The following VDAC3 variants were observed in gnomAD, a reference collection of about 807,000 sequenced individuals.
VDAC3 encodes the protein voltage dependent anion channel 3.
In VDAC3, 7 loss-of-function variants were observed where a neutral mutation model predicts 33.9. That is an observed-to-expected ratio of 0.21 (90% CI 0.12 to 0.39). The LOEUF is 0.39. Ranked by LOEUF, VDAC3 falls within the 10% of genes least tolerant of loss-of-function variation. VDAC3 has a pLI of 1.00. For synonymous variants in VDAC3, 100 were observed against 122.4 expected (o/e 0.82, Z 1.21); for missense variants, 261 against 334.5 (o/e 0.78, Z 1.71).
chr8:42,392,635 C>T (rs562777106), intron 1 of VDAC3, among the ~76,000 whole-genome samples: 1 of 152,200 alleles, frequency 6.6e-6, no homozygotes, highest in Non-Finnish European at 1.5e-5. Flanking sequence ...AAACCAGCTA[C>T]GTGACTTTTG....
At chr8:42,398,341 T>C (rs1802353862) in intron 4 of VDAC3, among the ~76,000 whole-genome samples, 1 of 152,178 alleles carries the variant, frequency 6.6e-6, no homozygotes, top group African/African-American at 2.4e-5. Context: ...CTGCAACCTC[T>C]GCCTCCTGGG....
intron 3 of VDAC3, 32 bp from the exon 4 acceptor site, chr8:42,395,052 A>G (rs766441001): frequency 4.6e-5 from 74 of 1,612,996 alleles, no homozygotes; most frequent in Non-Finnish European, 6.0e-5. Context: ...CATTTTGTAC[A>G]TTACTGTGTT....
chr8:42,393,572 G>A (rs534347420), intron 1 of VDAC3, among the ~76,000 whole-genome samples: 106 of 152,308 alleles, frequency 7.0e-4, no homozygotes, highest in African/African-American at 2.4e-3. Flanking sequence ...AGGCACCTGA[G>A]GTTTTTGAAG....
At chr8:42,405,246 CT>C in intron 9 of VDAC3, 124 bp from the exon 10 acceptor site, 7 of 730,614 alleles carry the variant, frequency 9.6e-6, no homozygotes, top group Non-Finnish European at 1.2e-5. Context: ...TGAGTAATAG[CT>C]GTTTGCTTAT....
In VDAC3 at chr8:42,403,327, T is replaced by C. The variant is rs1802448849; in HGVS notation, c.568T>C (p.Phe190Leu). 6.2e-7 allele frequency: 1 copy of C among 1,614,158 alleles called. No individual in the cohort carries two copies. The highest frequency in any genetic ancestry group is 1.7e-5 in the Admixed American group (1 of 60,008). ...LHTHVNDGTEFGGSIYQKVNE... is the reference protein window; with the variant it reads ...LHTHVNDGTELGGSIYQKVNE... The stretch of plus-strand genomic sequence containing the variant: ...TGAAAACAGGAACGATGGCACTGAA[T>C]TTGGAGGTTCTATCTACCAGAAGGT... The change falls in exon 8 of 10, where the codon TTT becomes CTT. Residue 190 changes from phenylalanine to leucine, a missense_variant. Physicochemically the swap from Phe to Leu is conservative, Grantham distance 22. Transcript: ENST00000022615.
In VDAC3 at chr8:42,396,871, A is replaced by G. The variant is rs906818690; in HGVS notation, c.117+1738A>G. On this transcript the variant is annotated intron_variant, in intron 4 of 9. Coordinates refer to ENST00000022615, the MANE Select transcript of VDAC3 (RefSeq NM_005662.7). ...CTTACTAAGCATTTAATGTAGAGCTATATGCATGTTATATGCATGTTATAA... is the reference window on the plus strand; with the variant it reads ...CTTACTAAGCATTTAATGTAGAGCTGTATGCATGTTATATGCATGTTATAA... 30 of 555,586 alleles carry G rather than the reference A, an allele frequency of 5.4e-5. No homozygotes were observed. In the Admixed American group the frequency reaches 7.9e-4, roughly 15 times the overall value. 34.4% of individuals were successfully genotyped at this position (555,586 alleles called of 1,614,324 possible). A position where few individuals can be genotyped will look rare whatever the true frequency, so the allele number is the denominator to read the frequency against.
intron 7 of VDAC3, among the ~76,000 whole-genome samples, chr8:42,402,733 T>G (rs1011565884): frequency 6.6e-6 from 1 of 152,206 alleles, no homozygotes; most frequent in Non-Finnish European, 1.5e-5. Flanking sequence ...AGCAGTGGTA[T>G]AGACAGTTAC....
At chr8:42,402,146 T>G (rs1408841415) in intron 7 of VDAC3, 131 bp downstream of exon 7, 2 of 1,015,928 alleles carry the variant, frequency 2.0e-6, no homozygotes, top group Admixed American at 4.6e-5. Flanking sequence ...GGTGCTATCC[T>G]CATAGCAAAA....
Position 42,395,074 on chromosome 8 carries a change from G to T in VDAC3, c.68-10G>T. 1 of 1,613,956 alleles carries T rather than the reference G, an allele frequency of 6.2e-7. No homozygotes were observed. Among genetic ancestry groups the T allele is most frequent in the Non-Finnish European group, 8.5e-7 (1 of 1,179,926 alleles). Reference sequence around the variant, plus strand: ...TACATTACTGTGTTTTTGTGTGTGTGTGTGTATAGGCTTTGGCATGGTCAA... The same window carrying T: ...TACATTACTGTGTTTTTGTGTGTGTTTGTGTATAGGCTTTGGCATGGTCAA... On this transcript the variant is annotated splice_polypyrimidine_tract_variant and intron_variant, in intron 3 of 9. Coordinates refer to ENST00000022615, the MANE Select transcript of VDAC3 (RefSeq NM_005662.7).
rs780443387 is a variant in VDAC3 at position 42,394,300 on chromosome 8, T to G, written c.67+22T>G. The G allele has an allele frequency of 1.9e-6, 3 of 1,606,896 alleles. No individual in the cohort carries two copies. In the African/African-American group the frequency reaches 4.0e-5, roughly 22 times the overall value. On this transcript the variant is annotated intron_variant, in intron 3 of 9. Transcript: ENST00000022615. ...TATGGTAAGTATGCTATTGTAACTT[T>G]CCAGTTTGGGGTAAAGGTTAGTGTT...
chr8:42,394,182 A>T, intron 2 of VDAC3, 28 bp from the exon 3 acceptor site: 1 of 1,598,150 alleles, frequency 6.3e-7, no homozygotes, highest in Non-Finnish European at 8.6e-7. Flanking sequence ...GGTTATTTTT[A>T]TTCCTTTGCC....
Position 42,401,979 on chromosome 8 carries a change from G to T in VDAC3, c.515G>T (p.Gly172Val), listed in dbSNP as rs757308850. Residue 172 changes from glycine (G) to valine (V), a missense_variant, in exon 7 of 10, where the codon GGT becomes GTT. Transcript: ENST00000022615. ...SKLSQNNFAL[G>V]YKAADFQLHT... Reference sequence around the variant, plus strand: ...CTGTCACAGAATAATTTCGCCCTGGGTTACAAGGCTGCGGACTTCCAGCTG... The same window carrying T: ...CTGTCACAGAATAATTTCGCCCTGGTTTACAAGGCTGCGGACTTCCAGCTG... 6.2e-7 allele frequency: 1 copy of T among 1,614,122 alleles called. No homozygotes were observed. Among genetic ancestry groups the T allele is most frequent in the Non-Finnish European group, 8.5e-7 (1 of 1,180,056 alleles).
intron 4 of VDAC3, among the ~76,000 whole-genome samples, chr8:42,395,958 TAAAAAA>T (rs543863402): frequency 8.3e-6 from 1 of 119,938 alleles, no homozygotes. Context: ...GACTTTGTCT[TAAAAAA>T]AAAAAAAAAA....
chr8:42,395,193 A>T, intron 4 of VDAC3, 60 bp downstream of exon 4: 1 of 1,602,816 alleles, frequency 6.2e-7, no homozygotes, highest in Non-Finnish European at 8.5e-7. Context: ...AATCTGTTTA[A>T]AATCATGACA....
rs780732766 is a variant in VDAC3 at position 42,405,352 on chromosome 8, G to A, written c.761-19G>A. On this transcript the variant is annotated intron_variant, in intron 9 of 9. Coordinates refer to ENST00000022615, the MANE Select transcript of VDAC3 (RefSeq NM_005662.7). ...TGTAATACTTGTTTCAAGTGATTGT[G>A]GTGTTTTCTTCTTCCTAGGAGTCAA... 1 of 1,583,502 alleles carries A rather than the reference G, an allele frequency of 6.3e-7. No homozygotes were observed. Among genetic ancestry groups the A allele is most frequent in the Non-Finnish European group, 8.7e-7 (1 of 1,153,394 alleles).
At chr8:42,399,446 C>T in intron 5 of VDAC3, 1 of 428,974 alleles carries the variant, frequency 2.3e-6, no homozygotes, top group Non-Finnish European at 4.3e-6. Flanking sequence ...GGATTTGCCC[C>T]ATTTTTTAGT....
intron 1 of VDAC3, among the ~76,000 whole-genome samples, chr8:42,392,316 G>A (rs1020853581): frequency 2.0e-5 from 3 of 152,230 alleles, no homozygotes; most frequent in Admixed American, 1.3e-4. Context: ...AATTCAAAAC[G>A]GAGAAGCGAG....
intron 6 of VDAC3, among the ~76,000 whole-genome samples, chr8:42,401,145 C>T (rs549297722): frequency 8.3e-4 from 127 of 152,272 alleles, no homozygotes; most frequent in Non-Finnish European, 1.5e-3. Context: ...GCTTCTTGTA[C>T]GTCTGTATAC....
In VDAC3 at chr8:42,394,228, C is replaced by G. The variant is rs750457762; in HGVS notation, c.17C>G (p.Thr6Arg). 6.2e-7 allele frequency: 1 copy of G among 1,613,670 alleles called. No homozygotes were observed. Among genetic ancestry groups the G allele is most frequent in the Non-Finnish European group, 8.5e-7 (1 of 1,179,742 alleles). Residue 6 changes from threonine to arginine, a missense_variant, in exon 3 of 10, where the codon ACG becomes AGG. Physicochemically the swap from Thr to Arg is moderately conservative, Grantham distance 71. Coordinates refer to ENST00000022615, the MANE Select transcript of VDAC3 (RefSeq NM_005662.7). MCNTPTYCDLGKAAKD... is the reference protein window; with the variant it reads MCNTPRYCDLGKAAKD... ...TTATAAGATATGTGTAACACACCAACGTACTGTGACCTAGGAAAGGCTGCT... is the reference window on the plus strand; with the variant it reads ...TTATAAGATATGTGTAACACACCAAGGTACTGTGACCTAGGAAAGGCTGCT...
Sources: gnomAD v4.1 joint callset for allele counts (sites outside exome capture counted in the v4.1 genomes callset) on GRCh38, gnomAD v4.1.1 for gene constraint, MANE v1.5 for transcripts, NCBI Gene and HGNC (gene_info 2026-07-23, HGNC 2026-07-21) for gene names.